The following NKAIN3 variants were observed in gnomAD, a reference collection of about 807,000 sequenced individuals.
The protein encoded by NKAIN3 is sodium/potassium transporting ATPase interacting 3.
NKAIN3 carries 25 observed loss-of-function variants against 30.2 expected under a neutral mutation model. That is an observed-to-expected ratio of 0.83 (90% CI 0.60 to 1.16). The LOEUF is 1.16. Among genes scored for constraint, NKAIN3 ranks in the 50% most tolerant of loss-of-function variants. The pLI, the probability that NKAIN3 is intolerant of heterozygous loss-of-function variation, is 0.00. For synonymous variants in NKAIN3, 91 were observed against 89.6 expected (o/e 1.02, Z -0.09); for missense variants, 225 against 254.1 (o/e 0.89, Z 0.78).
At position 62,955,100 on chromosome 8, in the gene NKAIN3, A is replaced by C. The variant is rs140848130; in HGVS notation, c.603+1128A>C. On this transcript the variant is annotated intron_variant, in intron 6 of 6. Coordinates refer to ENST00000623646, the MANE Select transcript of NKAIN3 (RefSeq NM_001304533.3). ...CTCACCCAGCATATGTGAGGATTGAAGATCTGAGAAGGCTACACTGATTCC... is the reference window on the plus strand; with the variant it reads ...CTCACCCAGCATATGTGAGGATTGACGATCTGAGAAGGCTACACTGATTCC... Among the ~76,000 whole-genome samples the C allele has an allele frequency of 3.3e-5, 5 of 152,328 alleles. No homozygotes were observed. In the East Asian group the frequency reaches 7.7e-4, roughly 23 times the overall value.
intron 1 of NKAIN3, among the ~76,000 whole-genome samples, chr8:62,509,266 C>A (rs570967419): frequency 1.1e-4 from 17 of 151,948 alleles, no homozygotes; most frequent in Admixed American, 9.2e-4. Context: ...TTCTTCTTAT[C>A]CCTCACCTCA....
chr8:62,489,817 G>T (rs977465013), intron 1 of NKAIN3, among the ~76,000 whole-genome samples: 1 of 152,160 alleles, frequency 6.6e-6, no homozygotes, highest in African/African-American at 2.4e-5. Flanking sequence ...CTGTGCATTT[G>T]GTGGATACGT....
chr8:62,843,760 G>A (rs1819596165), intron 4 of NKAIN3, among the ~76,000 whole-genome samples: 1 of 152,072 alleles, frequency 6.6e-6, no homozygotes, highest in East Asian at 1.9e-4. Flanking sequence ...AGCAACAATA[G>A]GGAACTAATA....
At chr8:62,792,545 T>C (rs942279570) in intron 4 of NKAIN3, among the ~76,000 whole-genome samples, 2 of 152,358 alleles carry the variant, frequency 1.3e-5, no homozygotes, top group South Asian at 2.1e-4. Context: ...GAGAGAAGAA[T>C]AAAACATGGT....
chr8:62,372,692 T>A, intron 1 of NKAIN3, among the ~76,000 whole-genome samples: 1 of 152,094 alleles, frequency 6.6e-6, no homozygotes, highest in East Asian at 1.9e-4. Flanking sequence ...AATTCATTTT[T>A]ATTTTATGTT....
intron 4 of NKAIN3, chr8:62,856,400 G>T: frequency 1.2e-6 from 1 of 802,346 alleles, no homozygotes; most frequent in Non-Finnish European, 2.3e-6. Flanking sequence ...TCCTCAAAGT[G>T]AACCCTGAGG....
chr8:62,431,555 T>C (rs1016848552), intron 1 of NKAIN3, among the ~76,000 whole-genome samples: 23 of 151,936 alleles, frequency 1.5e-4, no homozygotes, highest in African/African-American at 5.3e-4. Context: ...TGGAAATTCA[T>C]GTAAAAGCTT....
intron 1 of NKAIN3, among the ~76,000 whole-genome samples, chr8:62,405,781 G>C (rs925786537): frequency 6.6e-6 from 1 of 152,108 alleles, no homozygotes; most frequent in African/African-American, 2.4e-5. Flanking sequence ...GTCCAATTTG[G>C]TGTTCCCATG....
At chr8:62,473,049 A>G (rs749837948) in intron 1 of NKAIN3, among the ~76,000 whole-genome samples, 4 of 152,214 alleles carry the variant, frequency 2.6e-5, no homozygotes, top group Non-Finnish European at 4.4e-5. Context: ...AGTCTTTAAT[A>G]TAGGCATTCT....
intron 4 of NKAIN3, among the ~76,000 whole-genome samples, chr8:62,759,789 G>A (rs371558930): frequency 8.6e-5 from 13 of 152,000 alleles, no homozygotes; most frequent in African/African-American, 1.2e-4. Flanking sequence ...AACTAAAGAG[G>A]TTCTGCACAG....
chr8:62,326,157 C>A (rs1202029659), intron 1 of NKAIN3, among the ~76,000 whole-genome samples: 1 of 151,884 alleles, frequency 6.6e-6, no homozygotes, highest in Middle Eastern at 3.4e-3. Flanking sequence ...AGAAACACTG[C>A]AGGATGACAT....
chr8:62,557,527 G>T (rs1809440400), intron 1 of NKAIN3, among the ~76,000 whole-genome samples: 1 of 152,118 alleles, frequency 6.6e-6, no homozygotes, highest in Non-Finnish European at 1.5e-5. Context: ...CCCACCAGCA[G>T]TGTAGAAGTG....
intron 1 of NKAIN3, among the ~76,000 whole-genome samples, chr8:62,415,633 T>C (rs1421978617): frequency 6.6e-6 from 1 of 151,566 alleles, no homozygotes; most frequent in African/African-American, 2.4e-5. Context: ...AAAGCACTTG[T>C]TGATGTGTAT....
chr8:62,686,688 G>T (rs1453323390), intron 3 of NKAIN3, among the ~76,000 whole-genome samples: 1 of 151,858 alleles, frequency 6.6e-6, no homozygotes, highest in African/African-American at 2.4e-5. Context: ...TCTTTTTATT[G>T]CCCACAACAC....
intron 1 of NKAIN3, among the ~76,000 whole-genome samples, chr8:62,384,692 TG>T (rs2129594168): frequency 6.6e-6 from 1 of 152,298 alleles, no homozygotes; most frequent in African/African-American, 2.4e-5. Flanking sequence ...ACACTTTTCT[TG>T]ATTCTAAGAA....
At chr8:62,365,909 G>A (rs551802874) in intron 1 of NKAIN3, among the ~76,000 whole-genome samples, 251 of 152,076 alleles carry the variant, frequency 1.7e-3, no homozygotes, top group African/African-American at 5.6e-3. Context: ...GGGTAATACT[G>A]GCCTCCTAAA....
chr8:62,857,251 C>G (rs1173588540), intron 4 of NKAIN3: 1 of 200,220 alleles, frequency 5.0e-6, no homozygotes, highest in African/African-American at 2.4e-5. Flanking sequence ...CCTTGCCTTT[C>G]TCTTAACATT....
At chr8:62,438,262 G>A (rs1218919875) in intron 1 of NKAIN3, among the ~76,000 whole-genome samples, 6 of 152,168 alleles carry the variant, frequency 3.9e-5, no homozygotes, top group Non-Finnish European at 5.9e-5. Flanking sequence ...TTTTTCACAG[G>A]TAAAGGACCT....
At chr8:62,364,057 C>T (rs1816650519) in intron 1 of NKAIN3, among the ~76,000 whole-genome samples, 1 of 150,778 alleles carries the variant, frequency 6.6e-6, no homozygotes, top group African/African-American at 2.4e-5. Flanking sequence ...TGTATAGATG[C>T]TTATGTGAGC....
Sources: allele counts gnomAD v4.1 joint callset (sites outside exome capture counted in the v4.1 genomes callset), GRCh38; gene constraint gnomAD v4.1.1; transcripts MANE v1.5; gene names NCBI Gene and HGNC (gene_info 2026-07-23, HGNC 2026-07-21).